Variants in N4BP2 observed in about 807,000 individuals in gnomAD.
N4BP2 encodes NEDD4-binding protein 2.
In N4BP2, 91 loss-of-function variants were observed where a neutral mutation model predicts 152.8. The observed-to-expected ratio is 0.60, with a 90% confidence interval of 0.50 to 0.71. The LOEUF is 0.71. Among genes scored for constraint, N4BP2 ranks in the 30% least tolerant of loss-of-function variants. The pLI is 0.00. For missense variants in N4BP2, 1,923 were observed against 2,059.1 expected (o/e 0.93, Z 1.28); for synonymous variants, 646 against 705.3 (o/e 0.92, Z 1.33).
intron 3 of N4BP2, among the ~76,000 whole-genome samples, chr4:40,100,594 A>G (rs1296221999): frequency 6.6e-6 from 1 of 151,822 alleles, no homozygotes; most frequent in Non-Finnish European, 1.5e-5. Flanking sequence ...CTGGTCTCGA[A>G]CTCCTGGGCT....
intron 6 of N4BP2, among the ~76,000 whole-genome samples, chr4:40,113,081 C>T (rs1483393761): frequency 6.6e-6 from 1 of 152,144 alleles, no homozygotes; most frequent in Non-Finnish European, 1.5e-5. Context: ...TTAAATATTA[C>T]TGTGTAGTAT....
intron 4 of N4BP2, among the ~76,000 whole-genome samples, chr4:40,103,721 C>T (rs924111808): frequency 6.6e-6 from 1 of 152,074 alleles, no homozygotes; most frequent in African/African-American, 2.4e-5. Flanking sequence ...TTTTCAGGGA[C>T]TTTTCTGTTC....
At position 40,121,636 on chromosome 4, in the gene N4BP2, T is replaced by C. The variant is rs772694103; in HGVS notation, c.3525T>C (p.Pro1175=). ...GAACTTTAGAGAATTCTAATTCTCC[T>C]GTGCCAGAGTTTAGCCATGGGATTG... ...QRGTLENSNS[P]VPEFSHGIGI... Residue 1175 remains proline (P), a synonymous_variant, in exon 9 of 18, where the codon CCT becomes CCC. Transcript: ENST00000261435. 6.2e-7 allele frequency: 1 copy of C among 1,614,084 alleles called. No individual in the cohort carries two copies. Among genetic ancestry groups the C allele is most frequent in the Non-Finnish European group, 8.5e-7 (1 of 1,180,024 alleles).
At chr4:40,067,390 T>C (rs1020943573) in intron 1 of N4BP2, among the ~76,000 whole-genome samples, 22 of 151,998 alleles carry the variant, frequency 1.4e-4, no homozygotes, top group African/African-American at 5.1e-4. Flanking sequence ...TAATATTCCA[T>C]TGTATGTATG....
rs534069334 is a variant in N4BP2, at chr4:40,059,851, G to A, written c.-212+2821G>A. On this transcript the variant is annotated intron_variant, in intron 1 of 17. Coordinates refer to ENST00000261435, the MANE Select transcript of N4BP2 (RefSeq NM_018177.6). ...TTTAATTCTTACAACTCTGAGATTT[G>A]CACTATTCTTACAGGGGAGGAGACA... is the stretch of plus-strand genomic sequence containing the variant. 2.0e-5 allele frequency among the ~76,000 whole-genome samples: 3 copies of A among 152,256 alleles called. No individual in the cohort carries two copies. In the East Asian group the frequency reaches 5.8e-4, roughly 29 times the overall value.
In N4BP2 at chr4:40,121,868, A is replaced by G. The variant is rs999367968; in HGVS notation, c.3757A>G (p.Ile1253Val). 2 of 1,613,118 alleles carry G rather than the reference A, an allele frequency of 1.2e-6. No homozygotes were observed. The highest frequency in any genetic ancestry group is 1.7e-5 in the Admixed American group (1 of 59,660). ...TAGCAGTAAGCAGTCCTTTCCAGGTATTCTAAAAGCTACTACTCCTAAAGA... is the reference window on the plus strand; with the variant it reads ...TAGCAGTAAGCAGTCCTTTCCAGGTGTTCTAAAAGCTACTACTCCTAAAGA... ...LYSSKQSFPG[I>V]LKATTPKDMS... is the part of the protein sequence containing the mutation. Residue 1253 changes from isoleucine (I) to valine (V), a missense_variant, in exon 9 of 18, where the codon ATT (isoleucine) becomes GTT (valine). Ile to Val is a conservative substitution (Grantham distance 29). Transcript: ENST00000261435.
intron 2 of N4BP2, among the ~76,000 whole-genome samples, chr4:40,083,325 C>T (rs1713593100): frequency 1.3e-5 from 2 of 152,126 alleles, no homozygotes; most frequent in African/African-American, 4.8e-5. Flanking sequence ...CTAGCAATTC[C>T]ACTCTTAGAT....
At chr4:40,068,411 T>G (rs886935122) in intron 1 of N4BP2, among the ~76,000 whole-genome samples, 3 of 152,236 alleles carry the variant, frequency 2.0e-5, no homozygotes, top group African/African-American at 4.8e-5. Context: ...TCATGAAGCT[T>G]TCTCCCCGTT....
At chr4:40,138,253 T>G (rs1178044699) in intron 14 of N4BP2, among the ~76,000 whole-genome samples, 1 of 152,260 alleles carries the variant, frequency 6.6e-6, no homozygotes, top group Non-Finnish European at 1.5e-5. Context: ...TGTCTGTTCA[T>G]ATCCTTTGTC....
chr4:40,121,800 A>C lies in N4BP2; in HGVS notation c.3689A>C (p.Asn1230Thr). 1.2e-6 allele frequency: 2 copies of C among 1,614,134 alleles called. No homozygotes were observed. The highest frequency in any genetic ancestry group is 1.7e-6 in the Non-Finnish European group (2 of 1,180,012). Residue 1230 changes from asparagine (N) to threonine (T), a missense_variant, in exon 9 of 18, where the codon AAT (asparagine) becomes ACT (threonine). Physicochemically the swap from Asn to Thr is moderately conservative, Grantham distance 65. Transcript: ENST00000261435. ...CCCAGTGCTGCTGTGGGTCTAAAGAATAATAATGACATACTTCCTAACAGC... is the reference window on the plus strand; with the variant it reads ...CCCAGTGCTGCTGTGGGTCTAAAGACTAATAATGACATACTTCCTAACAGC... The part of the protein sequence containing the change: ...IFPSAAVGLK[N>T]NNDILPNSQE...
intron 5 of N4BP2, among the ~76,000 whole-genome samples, chr4:40,109,016 C>T (rs531477066): frequency 1.6e-4 from 24 of 152,014 alleles, no homozygotes; most frequent in Middle Eastern, 3.4e-3. Flanking sequence ...AGGGTTTCAC[C>T]ATGTTGGCCA....
In N4BP2 at chr4:40,106,932, T is replaced by C. The variant is rs773963871; in HGVS notation, c.1406T>C (p.Ile469Thr). 1 of 1,612,074 alleles carries C rather than the reference T, an allele frequency of 6.2e-7. No homozygotes were observed. The highest frequency in any genetic ancestry group is 1.1e-5 in the South Asian group (1 of 90,968). ...TLQEDNPSGV[I>T]LSTDDYFYIN... Reference sequence around the variant, plus strand: ...CAAGAGGATAATCCAAGTGGAGTCATTCTTAGTACTGATGATTATTTTTAT... The same window carrying C: ...CAAGAGGATAATCCAAGTGGAGTCACTCTTAGTACTGATGATTATTTTTAT... Residue 469 changes from isoleucine to threonine, a missense_variant, in exon 5 of 18, where the codon ATT (isoleucine) becomes ACT (threonine). Physicochemically the swap from Ile to Thr is moderately conservative, Grantham distance 89. Transcript: ENST00000261435.
intron 13 of N4BP2, among the ~76,000 whole-genome samples, 187 bp from the exon 14 acceptor site, chr4:40,136,753 TGATA>T (rs1283111798): frequency 6.6e-6 from 1 of 152,220 alleles, no homozygotes; most frequent in Non-Finnish European, 1.5e-5. Flanking sequence ...ACCTATTATT[TGATA>T]GTTTCCTTCT....
intron 4 of N4BP2, among the ~76,000 whole-genome samples, chr4:40,104,290 T>G (rs1716028135): frequency 6.6e-6 from 1 of 151,900 alleles, no homozygotes; most frequent in African/African-American, 2.4e-5. Flanking sequence ...TTTCCAAATT[T>G]TAACCATTAG....
At chr4:40,176,302 A>G in the N4BP2 span, among the ~76,000 whole-genome samples, 1 of 152,234 alleles carries the variant, frequency 6.6e-6, no homozygotes, top group African/African-American at 2.4e-5. Context: ...AGAAATAGTT[A>G]CAAACATATA....
At chr4:40,093,007 A>G (rs1030233837) in intron 2 of N4BP2, among the ~76,000 whole-genome samples, 11 of 148,416 alleles carry the variant, frequency 7.4e-5, no homozygotes, top group Admixed American at 6.2e-4. Flanking sequence ...GCAATGGCGC[A>G]GTTTCAGTTC....
intron 2 of N4BP2, among the ~76,000 whole-genome samples, chr4:40,084,629 TA>T (rs771074541): frequency 8.1e-6 from 1 of 123,414 alleles, no homozygotes; most frequent in Non-Finnish European, 1.8e-5. Flanking sequence ...TATATATATA[TA>T]ATTTTTTTTT....
Position 40,137,647 on chromosome 4 carries a change from T to C in N4BP2, c.4785+565T>C, listed in dbSNP as rs186672291. Among the ~76,000 whole-genome samples, 22 of 152,254 alleles carry C rather than the reference T, an allele frequency of 1.4e-4. No individual in the cohort carries two copies. In the East Asian group the frequency reaches 4.0e-3, roughly 28 times the overall value. On this transcript the variant is annotated intron_variant, in intron 14 of 17. Coordinates refer to ENST00000261435, the MANE Select transcript of N4BP2 (RefSeq NM_018177.6). ...GAAGTGTCGTGAAGGAAGTTTATCA[T>C]ACTCACAGAGTTCTGGAAACAGGAG... is the stretch of plus-strand genomic sequence containing the variant.
intron 1 of N4BP2, among the ~76,000 whole-genome samples, chr4:40,070,615 T>C (rs1223003094): frequency 2.6e-5 from 4 of 152,040 alleles, no homozygotes; most frequent in Non-Finnish European, 5.9e-5. Context: ...CATGACTGGC[T>C]AATTTTTGTA....
Sources: allele counts gnomAD v4.1 joint callset (sites outside exome capture counted in the v4.1 genomes callset), GRCh38; gene constraint gnomAD v4.1.1; transcripts MANE v1.5; gene names NCBI Gene and HGNC (gene_info 2026-07-23, HGNC 2026-07-21).